The following NCALD variants were observed in gnomAD, a reference collection of about 807,000 sequenced individuals.
NCALD encodes the protein neurocalcin-delta.
Under a neutral mutation model 18.6 loss-of-function variants are expected in NCALD, and 10 were observed. That is an observed-to-expected ratio of 0.54 (90% CI 0.33 to 0.91). The LOEUF is 0.91. Ranked by LOEUF, NCALD falls within the 40% of genes least tolerant of loss-of-function variation. The probability of loss-of-function intolerance (pLI) is 0.03; values close to 1 mark genes in which losing one functional copy is unlikely to be tolerated. For missense variants in NCALD, 184 were observed against 247.6 expected (o/e 0.74, Z 1.72); for synonymous variants, 88 against 87.4 (o/e 1.01, Z -0.04).
chr8:101,910,181 A>G (rs16868715), intron 3 of NCALD, among the ~76,000 whole-genome samples: 7,028 of 152,244 alleles, frequency 0.046, 263 homozygotes, highest in African/African-American at 0.1. Context: ...AAGTGGTCCC[A>G]AGAAGAGGAT....
chr8:101,990,673 G>A (rs765543916), intron 2 of NCALD, among the ~76,000 whole-genome samples: 4 of 152,234 alleles, frequency 2.6e-5, no homozygotes, highest in South Asian at 2.1e-4. Flanking sequence ...CTTCTGCCAC[G>A]ATTGTGAGGC....
At chr8:101,897,371 T>G (rs1446081440) in intron 3 of NCALD, among the ~76,000 whole-genome samples, 2 of 92,532 alleles carry the variant, frequency 2.2e-5, no homozygotes, top group African/African-American at 4.3e-5. Flanking sequence ...TGTGGTGGGG[T>G]GGGGGGAGGG....
chr8:102,077,783 C>T (rs1163187025), intron 1 of NCALD, among the ~76,000 whole-genome samples: 2 of 152,174 alleles, frequency 1.3e-5, no homozygotes, highest in African/African-American at 4.8e-5. Context: ...TGGAATTTGA[C>T]CTCTTACCTG....
intron 1 of NCALD, among the ~76,000 whole-genome samples, chr8:102,037,290 G>A (rs938724103): frequency 4.6e-5 from 7 of 152,236 alleles, no homozygotes; most frequent in African/African-American, 1.2e-4. Flanking sequence ...TAAGTAACTT[G>A]CCCAAGGCCA....
At chr8:101,839,966 G>C (rs1307590070) in intron 4 of NCALD, among the ~76,000 whole-genome samples, 1 of 151,988 alleles carries the variant, frequency 6.6e-6, no homozygotes, top group Non-Finnish European at 1.5e-5. Flanking sequence ...TGTCACCCCA[G>C]GCAGTGCTAA....
intron 2 of NCALD, among the ~76,000 whole-genome samples, chr8:102,000,160 C>T (rs920339104): frequency 6.6e-5 from 10 of 152,188 alleles, no homozygotes; most frequent in African/African-American, 2.2e-4. Flanking sequence ...CCTGGAAAAT[C>T]GGGTCACTCC....
chr8:101,876,052 C>T (rs921970113), intron 4 of NCALD, among the ~76,000 whole-genome samples: 63 of 152,322 alleles, frequency 4.1e-4, no homozygotes, highest in Middle Eastern at 3.4e-3. Flanking sequence ...ATTTCTTGCT[C>T]TTCCCCAGGC....
At chr8:101,834,448 G>A (rs1330489476) in intron 4 of NCALD, among the ~76,000 whole-genome samples, 1 of 152,228 alleles carries the variant, frequency 6.6e-6, no homozygotes, top group East Asian at 1.9e-4. Flanking sequence ...GGTGTGGCTA[G>A]GCCACCGGAT....
At chr8:101,957,046 T>G (rs1471007838) in intron 2 of NCALD, among the ~76,000 whole-genome samples, 1 of 152,140 alleles carries the variant, frequency 6.6e-6, no homozygotes, top group Non-Finnish European at 1.5e-5. Flanking sequence ...AGAGATAAAT[T>G]CAGACCCTGT....
intron 1 of NCALD, among the ~76,000 whole-genome samples, chr8:101,738,552 C>CAAAAAAAAAAAAAAAAAAAA (rs34205453): frequency 2.3e-5 from 3 of 127,916 alleles, no homozygotes; most frequent in Non-Finnish European, 3.3e-5. Context: ...CTCAAAAAAA[C>CAAAAAAAAAAAAAAAAAAAA]AAAAAAAAAA....
rs553977224 is a variant in NCALD, at chr8:101,883,848, A to G, written c.-20+3293T>C. Reference sequence around the variant, plus strand: ...TCCACTAGAATTTCAGATCCATGGGAACAGGGATTTTGTCTTGGGTATATT... The same window carrying G: ...TCCACTAGAATTTCAGATCCATGGGGACAGGGATTTTGTCTTGGGTATATT... On this transcript the variant is annotated intron_variant, in intron 4 of 6. Transcript: ENST00000311028. 2.6e-5 allele frequency among the ~76,000 whole-genome samples: 4 copies of G among 152,332 alleles called. No homozygotes were observed. In the South Asian group the frequency reaches 6.2e-4, roughly 24 times the overall value.
At chr8:101,936,608 G>A (rs1818773778) in intron 2 of NCALD, among the ~76,000 whole-genome samples, 1 of 152,144 alleles carries the variant, frequency 6.6e-6, no homozygotes, top group African/African-American at 2.4e-5. Context: ...TATTAGATTT[G>A]CTAATATATT....
At chr8:101,920,481 GC>G (rs2131644874) in intron 2 of NCALD, among the ~76,000 whole-genome samples, 1 of 152,230 alleles carries the variant, frequency 6.6e-6, no homozygotes, top group South Asian at 2.1e-4. Context: ...CAACCTAGGT[GC>G]CCATCAATGG....
intron 1 of NCALD, among the ~76,000 whole-genome samples, chr8:102,094,791 C>T (rs546707080): frequency 6.6e-6 from 1 of 152,172 alleles, no homozygotes; most frequent in East Asian, 1.9e-4. Context: ...AAATCTGGAC[C>T]CAGACATACA....
intron 3 of NCALD, among the ~76,000 whole-genome samples, chr8:101,910,976 C>A (rs928731259): frequency 3.9e-5 from 6 of 152,146 alleles, no homozygotes; most frequent in Admixed American, 3.9e-4. Context: ...TGAATGCCTC[C>A]TTCACAAACA....
At position 102,007,868 on chromosome 8, in the gene NCALD, G is replaced by T. The variant is rs572416861; in HGVS notation, c.-157+12369C>A. 1.6e-3 allele frequency among the ~76,000 whole-genome samples: 240 copies of T among 152,274 alleles called. 2 individuals are homozygous for T. The highest frequency in any genetic ancestry group is 5.3e-3 in the African/African-American group (222 of 41,576). On this transcript the variant is annotated intron_variant, in intron 2 of 6. Transcript: ENST00000311028. ...TGACTTTACTCATCATTTTCATGGTGGGTGTTCTGTTTCTGAGTACACTTT... is the reference window on the plus strand; with the variant it reads ...TGACTTTACTCATCATTTTCATGGTTGGTGTTCTGTTTCTGAGTACACTTT...
intron 1 of NCALD, among the ~76,000 whole-genome samples, chr8:101,786,798 G>A (rs1227814621): frequency 6.6e-6 from 1 of 152,146 alleles, no homozygotes; most frequent in Non-Finnish European, 1.5e-5. Context: ...TTTCAGGCTA[G>A]AGATTTATTT....
At chr8:101,829,629 A>G (rs370924297) in intron 4 of NCALD, among the ~76,000 whole-genome samples, 1 of 149,710 alleles carries the variant, frequency 6.7e-6, no homozygotes, top group African/African-American at 2.5e-5. Context: ...TTGAGGAAAT[A>G]TCTTTTCTGG....
intron 4 of NCALD, chr8:101,871,784 GACAATTTGTC>G (rs1816030116): frequency 3.4e-6 from 1 of 296,922 alleles, no homozygotes; most frequent in Admixed American, 4.6e-5. Flanking sequence ...AAGAAATCCA[GACAATTTGTC>G]ACAAGAAAGT....
Sources: allele counts gnomAD v4.1 joint callset (sites outside exome capture counted in the v4.1 genomes callset), GRCh38; gene constraint gnomAD v4.1.1; transcripts MANE v1.5; gene names NCBI Gene and HGNC (gene_info 2026-07-23, HGNC 2026-07-21).